The following FAM135B variants were observed in gnomAD, a reference collection of about 807,000 sequenced individuals.
FAM135B encodes the protein family with sequence similarity 135 member B.
Under a neutral mutation model 127.7 loss-of-function variants are expected in FAM135B, and 43 were observed. The observed-to-expected ratio is 0.34, with a 90% CI of 0.26 to 0.43. The LOEUF (loss-of-function observed/expected upper bound fraction) is 0.43. FAM135B is among the 20% of genes least tolerant of loss of function. The pLI is 1.00. For synonymous variants in FAM135B, 670 were observed against 665.1 expected (o/e 1.01, Z -0.11); for missense variants, 1,558 against 1,725.6 (o/e 0.90, Z 1.72).
chr8:138,483,295 G>A (rs753926323), intron 1 of FAM135B, among the ~76,000 whole-genome samples: 3 of 152,186 alleles, frequency 2.0e-5, no homozygotes, highest in Non-Finnish European at 2.9e-5. Context: ...TGGAAGTACA[G>A]AGAGGCTGAG....
At chr8:138,419,284 G>T (rs778075787) in intron 1 of FAM135B, among the ~76,000 whole-genome samples, 2 of 151,952 alleles carry the variant, frequency 1.3e-5, no homozygotes, top group Non-Finnish European at 2.9e-5. Context: ...AATGATAAAG[G>T]GTTCAACTCA....
At chr8:138,160,603 G>T (rs2130851470) in intron 12 of FAM135B, among the ~76,000 whole-genome samples, 3 of 145,216 alleles carry the variant, frequency 2.1e-5, no homozygotes, top group South Asian at 4.4e-4. Flanking sequence ...TCACCATGTT[G>T]CCCAGGCTGG....
chr8:138,354,200 T>C (rs1243770602), intron 2 of FAM135B, among the ~76,000 whole-genome samples: 1 of 152,122 alleles, frequency 6.6e-6, no homozygotes, highest in Non-Finnish European at 1.5e-5. Context: ...TCAAATTGTT[T>C]CATAGTCTTC....
At chr8:138,185,627 T>C (rs1815480875) in intron 9 of FAM135B, among the ~76,000 whole-genome samples, 1 of 152,186 alleles carries the variant, frequency 6.6e-6, no homozygotes, top group Admixed American at 6.5e-5. Flanking sequence ...TTATCATTAG[T>C]AGTCCCTGCT....
At chr8:138,353,505 C>G (rs1320886471) in intron 2 of FAM135B, among the ~76,000 whole-genome samples, 4 of 152,152 alleles carry the variant, frequency 2.6e-5, no homozygotes, top group Non-Finnish European at 4.4e-5. Flanking sequence ...TCCAATAGCT[C>G]TAGCTGAGAC....
intron 8 of FAM135B, 121 bp downstream of exon 8, chr8:138,197,395 C>T: frequency 8.1e-7 from 1 of 1,241,684 alleles, no homozygotes; most frequent in East Asian, 2.5e-5. Context: ...ACAGCCCAAA[C>T]CTACCTGGAC....
intron 1 of FAM135B, among the ~76,000 whole-genome samples, chr8:138,494,881 ACT>A (rs1165200243): frequency 4.0e-5 from 6 of 151,164 alleles, no homozygotes; most frequent in African/African-American, 1.5e-4. Flanking sequence ...AGCAGGCCTC[ACT>A]GTTTCAAACT....
At position 138,197,526 on chromosome 8, in the gene FAM135B, G is replaced by T. The variant is rs1383353217; in HGVS notation, c.813C>A (p.His271Gln). 6.2e-7 allele frequency: 1 copy of T among 1,614,078 alleles called. No homozygotes were observed. Among genetic ancestry groups the T allele is most frequent in the South Asian group, 1.1e-5 (1 of 91,078 alleles). ...VIMRDIPELP[H>Q]TELEALAVEE... ...GTCCTGGGCCCTTACCCAGCTCCGT[G>T]TGTGGCAGCTCTGGGATGTCCCGCA... Residue 271 changes from histidine to glutamine, a missense_variant, in exon 8 of 20, where the codon CAC (histidine) becomes CAA (glutamine). His to Gln is a conservative substitution (Grantham distance 24, BLOSUM62 0). Transcript: ENST00000395297.
intron 6 of FAM135B, among the ~76,000 whole-genome samples, chr8:138,250,507 T>C (rs1415881924): frequency 6.6e-6 from 1 of 152,172 alleles, no homozygotes; most frequent in African/African-American, 2.4e-5. Flanking sequence ...GGGACACACA[T>C]TAGTGTTCCT....
intron 2 of FAM135B, among the ~76,000 whole-genome samples, chr8:138,312,651 C>A (rs1440503467): frequency 6.6e-6 from 1 of 151,538 alleles, no homozygotes; most frequent in Non-Finnish European, 1.5e-5. Flanking sequence ...AAACAGAAAA[C>A]ACTGTGGGCC....
intron 7 of FAM135B, among the ~76,000 whole-genome samples, chr8:138,226,128 A>C (rs541412208): frequency 6.7e-6 from 1 of 150,158 alleles, no homozygotes; most frequent in Admixed American, 6.6e-5. Context: ...TTCTAAAAAA[A>C]TACAATTTTC....
chr8:138,440,200 T>C (rs1460465235), intron 1 of FAM135B: 2 of 152,166 alleles, frequency 1.3e-5, no homozygotes, highest in Non-Finnish European at 2.9e-5. Flanking sequence ...GAGAGGTAGC[T>C]TCCTGGCCAT....
intron 12 of FAM135B, among the ~76,000 whole-genome samples, chr8:138,164,741 C>G (rs1269004503): frequency 6.6e-6 from 1 of 152,200 alleles, no homozygotes; most frequent in Non-Finnish European, 1.5e-5. Context: ...TGTCTCATGT[C>G]TCCCTAAAAT....
At chr8:138,420,187 A>G (rs1834410418) in intron 1 of FAM135B, among the ~76,000 whole-genome samples, 1 of 119,518 alleles carries the variant, frequency 8.4e-6, no homozygotes, top group Non-Finnish European at 1.7e-5. Context: ...GGAATACAGA[A>G]AAAAAGAAAA....
At chr8:138,258,800 A>AC (rs1225615514) in intron 4 of FAM135B, among the ~76,000 whole-genome samples, 16 of 47,460 alleles carry the variant, frequency 3.4e-4, no homozygotes, top group South Asian at 1.2e-3. Context: ...AAAGACACAC[A>AC]CACCACACAC....
rs537818653 is a variant in FAM135B, at chr8:138,420,287, C to A, written c.-19-52285G>T. On this transcript the variant is annotated intron_variant, in intron 1 of 19. Transcript: ENST00000395297. ...AAATTCCTGGAAACATAAAATTTCCCAAAACTGAACCAGGAAGAAATTGAA... is the reference window on the plus strand; with the variant it reads ...AAATTCCTGGAAACATAAAATTTCCAAAAACTGAACCAGGAAGAAATTGAA... Among the ~76,000 whole-genome samples the A allele has an allele frequency of 1.4e-4, 21 of 151,814 alleles. No individual in the cohort carries two copies. The South Asian group carries it at 3.3e-3, about 24-fold the overall frequency.
intron 1 of FAM135B, among the ~76,000 whole-genome samples, chr8:138,472,161 G>T (rs532444103): frequency 6.6e-6 from 1 of 152,126 alleles, no homozygotes; most frequent in Non-Finnish European, 1.5e-5. Context: ...GACAAAGTGT[G>T]TGTTGAGGGG....
At chr8:138,175,250 C>T (rs1329315594) in intron 11 of FAM135B, among the ~76,000 whole-genome samples, 1 of 152,162 alleles carries the variant, frequency 6.6e-6, no homozygotes, top group Non-Finnish European at 1.5e-5. Context: ...GGACTGGTCC[C>T]TACTGCCCTC....
intron 2 of FAM135B, among the ~76,000 whole-genome samples, chr8:138,342,735 A>G (rs16908868): frequency 0.041 from 6,213 of 152,262 alleles, 424 homozygotes; most frequent in African/African-American, 0.14. Context: ...GTGCTGTACA[A>G]CCGAGTTCAG....
Sources: allele counts gnomAD v4.1 joint callset (sites outside exome capture counted in the v4.1 genomes callset), GRCh38; gene constraint gnomAD v4.1.1; transcripts MANE v1.5; gene names NCBI Gene and HGNC (gene_info 2026-07-23, HGNC 2026-07-21).